Variants in CSMD1 observed in about 807,000 individuals in gnomAD.
CSMD1 encodes the protein CUB and Sushi multiple domains 1.
CSMD1 carries 213 observed loss-of-function variants against 417.5 expected under a neutral mutation model. The observed-to-expected ratio is 0.51, with a 90% CI of 0.46 to 0.57. CSMD1 has a LOEUF of 0.57. Among genes scored for constraint, CSMD1 ranks in the 20% least tolerant of loss-of-function variants. CSMD1 has a pLI of 0.00. For synonymous variants in CSMD1, 2,862 were observed against 1,736.8 expected (o/e 1.65, Z -16.11); for missense variants, 6,923 against 4,529.7 (o/e 1.53, Z -15.17).
At chr8:3,643,263 C>T (rs1278546227) in intron 7 of CSMD1, among the ~76,000 whole-genome samples, 1 of 151,580 alleles carries the variant, frequency 6.6e-6, no homozygotes, top group Admixed American at 6.6e-5. Context: ...GAGAAGATTC[C>T]AAAAGTAGCC....
chr8:3,454,943 G>A (rs933582899), intron 12 of CSMD1, among the ~76,000 whole-genome samples: 5 of 152,174 alleles, frequency 3.3e-5, no homozygotes, highest in South Asian at 4.2e-4. Context: ...TCACTTTCAG[G>A]TACACCAATC....
At chr8:4,079,330 C>G (rs1464971426) in intron 3 of CSMD1, among the ~76,000 whole-genome samples, 1 of 152,096 alleles carries the variant, frequency 6.6e-6, no homozygotes, top group Non-Finnish European at 1.5e-5. Context: ...TGTCTGCATC[C>G]CTTGGAACGA....
chr8:3,290,563 A>C (rs1245639493), intron 25 of CSMD1, among the ~76,000 whole-genome samples: 1 of 146,088 alleles, frequency 6.8e-6, no homozygotes, highest in Non-Finnish European at 1.5e-5. Context: ...TTGGATTGCT[A>C]GGTATTTTGT....
At chr8:4,211,460 A>G (rs1800307218) in intron 3 of CSMD1, among the ~76,000 whole-genome samples, 1 of 152,228 alleles carries the variant, frequency 6.6e-6, no homozygotes, top group Non-Finnish European at 1.5e-5. Context: ...ATGACAAATG[A>G]GAAGATTTTA....
At chr8:4,179,703 A>T (rs1465118541) in intron 3 of CSMD1, among the ~76,000 whole-genome samples, 2 of 151,796 alleles carry the variant, frequency 1.3e-5, no homozygotes, top group African/African-American at 4.8e-5. Context: ...AATATCCAGA[A>T]TCTACAATGA....
At chr8:4,209,082 C>T (rs777508706) in intron 3 of CSMD1, among the ~76,000 whole-genome samples, 17 of 152,116 alleles carry the variant, frequency 1.1e-4, no homozygotes, top group Non-Finnish European at 2.2e-4. Flanking sequence ...TTTTTGTCCT[C>T]TCTTCACCCT....
chr8:4,703,648 A>G (rs936007500), intron 1 of CSMD1, among the ~76,000 whole-genome samples: 4 of 152,232 alleles, frequency 2.6e-5, no homozygotes, highest in Non-Finnish European at 4.4e-5. Context: ...ATATTTCAAG[A>G]AAAGTAATCT....
At chr8:3,898,076 G>T (rs902282856) in intron 5 of CSMD1, among the ~76,000 whole-genome samples, 1 of 152,108 alleles carries the variant, frequency 6.6e-6, no homozygotes, top group Non-Finnish European at 1.5e-5. Context: ...GGTATGGAGG[G>T]AAATATATTA....
At chr8:4,976,564 T>C (rs954018931) in intron 1 of CSMD1, among the ~76,000 whole-genome samples, 4 of 152,204 alleles carry the variant, frequency 2.6e-5, no homozygotes, top group Non-Finnish European at 5.9e-5. Context: ...ACTGATTTGT[T>C]GTTAGTATGT....
chr8:3,933,148 T>C lies in CSMD1; in HGVS notation c.818+64755A>G, dbSNP rs145335800. 1.2e-4 allele frequency among the ~76,000 whole-genome samples: 17 copies of C among 136,386 alleles called. 1 individual carries two copies. The East Asian group carries it at 3.6e-3, about 29-fold the overall frequency. 89.5% of individuals were successfully genotyped at this position (136,386 alleles called of 152,430 possible). ...TTTTGATTTTTACCAATGTAATACATTTATCTAAAGTCCACCTCCGTGGTA... is the reference window on the plus strand; with the variant it reads ...TTTTGATTTTTACCAATGTAATACACTTATCTAAAGTCCACCTCCGTGGTA... On this transcript the variant is annotated intron_variant, in intron 5 of 69. Coordinates refer to ENST00000635120, the MANE Select transcript of CSMD1 (RefSeq NM_033225.6).
chr8:3,043,337 T>C (rs975687404), intron 50 of CSMD1, among the ~76,000 whole-genome samples: 1 of 151,912 alleles, frequency 6.6e-6, no homozygotes, highest in African/African-American at 2.4e-5. Context: ...TAAAGTGATA[T>C]ACATATAACG....
chr8:3,039,518 C>T (rs939729162), intron 50 of CSMD1, among the ~76,000 whole-genome samples: 1 of 150,660 alleles, frequency 6.6e-6, no homozygotes, highest in African/African-American at 2.4e-5. Flanking sequence ...TCCCTTCCTC[C>T]CTCCTTCGTT....
intron 2 of CSMD1, among the ~76,000 whole-genome samples, chr8:4,466,282 G>T (rs886617777): frequency 3.9e-5 from 6 of 152,022 alleles, no homozygotes; most frequent in African/African-American, 9.7e-5. Flanking sequence ...GCTTGATGAG[G>T]AAGAAAACAG....
chr8:3,775,553 G>A (rs1368631339), intron 5 of CSMD1, among the ~76,000 whole-genome samples: 3 of 152,168 alleles, frequency 2.0e-5, no homozygotes, highest in Non-Finnish European at 2.9e-5. Context: ...TTTTACAAGA[G>A]CGCAACTTCA....
chr8:4,734,162 G>C (rs889223813), intron 1 of CSMD1, among the ~76,000 whole-genome samples: 11 of 152,006 alleles, frequency 7.2e-5, no homozygotes, highest in East Asian at 1.9e-4. Context: ...AAATATAATA[G>C]AGCTTGTACT....
At chr8:4,223,800 C>G (rs530790899) in intron 3 of CSMD1, among the ~76,000 whole-genome samples, 2 of 152,150 alleles carry the variant, frequency 1.3e-5, no homozygotes, top group African/African-American at 4.8e-5. Flanking sequence ...AGCCCCTTGG[C>G]CAATAACAAC....
chr8:4,898,336 T>G (rs1804639746), intron 1 of CSMD1, among the ~76,000 whole-genome samples: 1 of 152,056 alleles, frequency 6.6e-6, no homozygotes, highest in Non-Finnish European at 1.5e-5. Context: ...TCCATTAGAT[T>G]TATAATTATT....
At chr8:3,649,532 C>T (rs185966549) in intron 7 of CSMD1, among the ~76,000 whole-genome samples, 1 of 152,094 alleles carries the variant, frequency 6.6e-6, no homozygotes, top group Non-Finnish European at 1.5e-5. Context: ...AGCAAGGCAC[C>T]TTCTTCACAA....
chr8:3,529,382 A>G (rs1797884491), intron 10 of CSMD1, among the ~76,000 whole-genome samples: 1 of 152,216 alleles, frequency 6.6e-6, no homozygotes, highest in South Asian at 2.1e-4. Context: ...CCCTCTTAAA[A>G]TAATTGACTA....
Sources: allele counts gnomAD v4.1 joint callset (sites outside exome capture counted in the v4.1 genomes callset), GRCh38; gene constraint gnomAD v4.1.1; transcripts MANE v1.5; gene names NCBI Gene and HGNC (gene_info 2026-07-23, HGNC 2026-07-21).